The following ZNF655 variants were observed in gnomAD, a reference collection of about 807,000 sequenced individuals.
The protein encoded by ZNF655 is Vav-interacting Kruppel-like protein 1.
A neutral mutation model predicts 6.6 loss-of-function variants in ZNF655; 3 were observed. The observed-to-expected ratio is 0.46, with a 90% CI of 0.21 to 1.18. The LOEUF is 1.18. Among genes scored for constraint, ZNF655 ranks in the 50% most tolerant of loss-of-function variants. ZNF655 has a pLI of 0.24. For missense variants in ZNF655, 526 were observed against 572.3 expected, an observed-to-expected ratio of 0.92 and a Z score of 0.83; for synonymous variants, 178 against 195.0, an observed-to-expected ratio of 0.91 and a Z score of 0.73.
At chr7:99,561,447 G>A (rs1252165478) in intron 2 of ZNF655, among the ~76,000 whole-genome samples, 1 of 152,106 alleles carries the variant, frequency 6.6e-6, no homozygotes, top group African/African-American at 2.4e-5. Flanking sequence ...TGTTCTTGGG[G>A]GCCTTACACA....
chr7:99,572,421 A>G lies in ZNF655; in HGVS notation c.313A>G (p.Lys105Glu). Residue 105 changes from lysine to glutamate, a missense_variant, in exon 3 of 3, where the codon AAA (lysine) becomes GAA (glutamate). Physicochemically the swap from Lys to Glu is moderately conservative, Grantham distance 56. Transcript: ENST00000252713. ...RLERLQEILR[K>E]FLYLEREFRQ... ...AGAAAGACTTCAGGAAATTCTAAGGAAATTTCTGTACCTGGAGAGAGAGTT... is the reference window on the plus strand; with the variant it reads ...AGAAAGACTTCAGGAAATTCTAAGGGAATTTCTGTACCTGGAGAGAGAGTT... 1.2e-6 allele frequency: 2 copies of G among 1,613,786 alleles called. No individual in the cohort carries two copies. Among genetic ancestry groups the G allele is most frequent in the Non-Finnish European group, 1.7e-6 (2 of 1,179,890 alleles).
chr7:99,562,806 AT>A (rs1343546006), intron 2 of ZNF655, among the ~76,000 whole-genome samples: 1 of 151,754 alleles, frequency 6.6e-6, no homozygotes, highest in Non-Finnish European at 1.5e-5. Flanking sequence ...TTTCTTTTCC[AT>A]TTTTGTAGGA....
intron 2 of ZNF655, among the ~76,000 whole-genome samples, chr7:99,565,969 T>TACACAC (rs34118812): frequency 1.3e-5 from 2 of 150,904 alleles, no homozygotes; most frequent in African/African-American, 4.9e-5. Context: ...TATGTATGTA[T>TACACAC]ACACACACAC....
At chr7:99,567,034 C>T (rs1464010503) in intron 2 of ZNF655, among the ~76,000 whole-genome samples, 5 of 152,238 alleles carry the variant, frequency 3.3e-5, no homozygotes, top group South Asian at 4.1e-4. Context: ...ATTCTTGTGC[C>T]TCAGCCTCCA....
intron 2 of ZNF655, 154 bp downstream of exon 2, chr7:99,560,849 C>G: frequency 1.2e-6 from 1 of 814,076 alleles, no homozygotes; most frequent in South Asian, 2.3e-5. Context: ...TGACTCAGTT[C>G]AGTCCTAGTC....
rs1469354462 is a variant in ZNF655, at chr7:99,573,062, T to C, written c.954T>C (p.Leu318=). 2 of 1,614,158 alleles carry C rather than the reference T, an allele frequency of 1.2e-6. No homozygotes were observed. Among genetic ancestry groups the C allele is most frequent in the Non-Finnish European group, 1.7e-6 (2 of 1,180,018 alleles). The change falls in exon 3 of 3, where the codon CTT becomes CTC. Residue 318 remains leucine, a synonymous_variant. Transcript: ENST00000252713. ...GAGTCTTCAGTCGTAGTGTCCACCT[T>C]ACTCAACATCAGAAAATTCACAAAG... ...CERVFSRSVH[L]TQHQKIHKEM...
intron 2 of ZNF655, 113 bp downstream of exon 2, chr7:99,560,808 C>G: frequency 7.3e-7 from 1 of 1,372,224 alleles, no homozygotes; most frequent in South Asian, 1.4e-5. Context: ...AACATGGTCC[C>G]TAGAGGGAGG....
chr7:99,564,821 C>T (rs1009289516), intron 2 of ZNF655: 4 of 516,724 alleles, frequency 7.7e-6, no homozygotes, highest in Non-Finnish European at 1.0e-5. Flanking sequence ...ACTGCACACT[C>T]GACATGCAGT....
At chr7:99,571,410 C>T in intron 2 of ZNF655, 2 of 1,229,826 alleles carry the variant, frequency 1.6e-6, no homozygotes, top group Non-Finnish European at 2.1e-6. Flanking sequence ...ATGATAACTT[C>T]TGTGAAGACA....
At chr7:99,571,398 T>A in intron 2 of ZNF655, 1 of 1,230,716 alleles carries the variant, frequency 8.1e-7, no homozygotes, top group Non-Finnish European at 1.0e-6. Flanking sequence ...TGGAGAGTGA[T>A]AATGATAACT....
intron 2 of ZNF655, chr7:99,571,295 C>G (rs1804053087): frequency 7.8e-7 from 1 of 1,289,252 alleles, no homozygotes; most frequent in South Asian, 1.2e-5. Flanking sequence ...TGAGTTTCAC[C>G]TTTCTCCAGT....
rs1160714177 is a variant in ZNF655, at chr7:99,574,983, A to T, written c.*1399A>T. 1 of 152,532 alleles carries T rather than the reference A, an allele frequency of 6.6e-6. No homozygotes were observed. Among genetic ancestry groups the T allele is most frequent in the African/African-American group, 2.4e-5 (1 of 41,452 alleles). 9.4% of individuals were successfully genotyped at this position (152,532 alleles called of 1,614,324 possible). A position where few individuals can be genotyped will look rare whatever the true frequency, so the allele number is the denominator to read the frequency against. ...ATTTGATTGACAATATATCCAGTCC[A>T]ATATAAGTATGAAGGATTCTCTCTC... On this transcript the variant is annotated 3_prime_UTR_variant, in exon 3 of 3. Transcript: ENST00000252713.
chr7:99,572,377 A>G lies in ZNF655; in HGVS notation c.269A>G (p.Tyr90Cys), dbSNP rs774474239. ...ITQVPETREVYKSEDRLERLQ... is the reference protein window; with the variant it reads ...ITQVPETREVCKSEDRLERLQ... ...CAAGTTCCTGAGACTAGAGAAGTGT[A>G]TAAGTCTGAGGACAGATTAGAAAGA... The change falls in exon 3 of 3, where the codon TAT (tyrosine) becomes TGT (cysteine). Residue 90 changes from tyrosine to cysteine, a missense_variant. Coordinates refer to ENST00000252713, the MANE Select transcript of ZNF655 (RefSeq NM_138494.3). 1.2e-5 allele frequency: 19 copies of G among 1,613,858 alleles called. No homozygotes were observed. The highest frequency in any genetic ancestry group is 5.0e-5 in the Admixed American group (3 of 60,002).
rs960439376 is a variant in ZNF655 at position 99,569,644 on chromosome 7, A to G, written c.137-2601A>G. Among the ~76,000 whole-genome samples the G allele has an allele frequency of 1.7e-4, 26 of 152,206 alleles. 1 individual carries two copies. Among genetic ancestry groups the G allele is most frequent in the Non-Finnish European group, 3.1e-4 (21 of 68,034 alleles). On this transcript the variant is annotated intron_variant, in intron 2 of 2. Transcript: ENST00000252713. ...AGTTTCTACGTTTTAAATTTATGGT[A>G]TTAAATGAGTGAAAACCTAGAGAGC...
chr7:99,561,951 C>T (rs201484572), intron 2 of ZNF655: 234 of 1,595,030 alleles, frequency 1.5e-4, no homozygotes, highest in South Asian at 3.7e-4. Context: ...CAGGCAGCTG[C>T]GCTCTTGACA....
intron 2 of ZNF655, chr7:99,564,551 G>A (rs1410124186): frequency 2.0e-6 from 2 of 985,490 alleles, no homozygotes; most frequent in Non-Finnish European, 2.4e-6. Context: ...CTCTGTCCTT[G>A]ATGGAGGGGA....
At position 99,573,694 on chromosome 7, in the gene ZNF655, A is replaced by G. The variant is rs1175978876; in HGVS notation, c.*110A>G. ...ACTGCATGTGGTAAAGCCTTCAGTCATAGCTCAGCCATTGCTCAGCATCAG... is the reference window on the plus strand; with the variant it reads ...ACTGCATGTGGTAAAGCCTTCAGTCGTAGCTCAGCCATTGCTCAGCATCAG... On this transcript the variant is annotated 3_prime_UTR_variant, in exon 3 of 3. Transcript: ENST00000252713. 5 of 1,285,094 alleles carry G rather than the reference A, an allele frequency of 3.9e-6. No homozygotes were observed. The Admixed American group carries it at 1.1e-4, about 29-fold the overall frequency. The allele number at this position is 1,285,094 out of a possible 1,614,324, so 79.6% of individuals were successfully genotyped here.
intron 2 of ZNF655, chr7:99,562,047 T>C: frequency 7.6e-7 from 1 of 1,312,230 alleles, no homozygotes; most frequent in Non-Finnish European, 1.0e-6. Context: ...TCTCATCCCA[T>C]CTGTAGACCT....
At chr7:99,562,614 C>A in intron 2 of ZNF655, 1 of 938,782 alleles carries the variant, frequency 1.1e-6, no homozygotes, top group South Asian at 2.4e-5. Flanking sequence ...GGACTTAGAA[C>A]CTCTGAATCC....
Sources: allele counts gnomAD v4.1 joint callset (sites outside exome capture counted in the v4.1 genomes callset), GRCh38; gene constraint gnomAD v4.1.1; transcripts MANE v1.5; gene names NCBI Gene and HGNC (gene_info 2026-07-23, HGNC 2026-07-21).